Variants in SYCE2 observed in about 807,000 individuals in gnomAD.
SYCE2 encodes the protein central element synaptonemal complex 1.
Under a neutral mutation model 27.9 loss-of-function variants are expected in SYCE2, and 3 were observed. The observed-to-expected ratio is 0.11, with a 90% confidence interval of 0.05 to 0.28. SYCE2 has a LOEUF of 0.28. Ranked by LOEUF, SYCE2 falls within the 10% of genes least tolerant of loss-of-function variation. The pLI, the probability that SYCE2 is intolerant of heterozygous loss-of-function variation, is 1.00. For synonymous variants in SYCE2, 85 were observed against 100.7 expected (o/e 0.84, Z 0.93); for missense variants, 207 against 263.5 (o/e 0.79, Z 1.48).
At chr19:12,916,106 G>A (rs1490830498) in intron 2 of SYCE2, among the ~76,000 whole-genome samples, 1 of 144,782 alleles carries the variant, frequency 6.9e-6, no homozygotes, top group East Asian at 2.0e-4. Flanking sequence ...GTCTCACTCT[G>A]TCACCCAGGA....
intron 2 of SYCE2, among the ~76,000 whole-genome samples, chr19:12,912,382 C>T (rs888137202): frequency 6.7e-6 from 1 of 148,556 alleles, no homozygotes; most frequent in Non-Finnish European, 1.5e-5. Flanking sequence ...TTCTCTACCC[C>T]CCGCTATACC....
At chr19:12,900,918 G>A (rs569137649) in intron 3 of SYCE2, among the ~76,000 whole-genome samples, 3 of 152,178 alleles carry the variant, frequency 2.0e-5, no homozygotes, top group South Asian at 2.1e-4. Context: ...GGTGGCTCAC[G>A]CCTGTAATCC....
At chr19:12,906,737 T>C (rs1970940918) in intron 2 of SYCE2, among the ~76,000 whole-genome samples, 1 of 151,810 alleles carries the variant, frequency 6.6e-6, no homozygotes, top group Non-Finnish European at 1.5e-5. Flanking sequence ...TGAAACCCCA[T>C]CTCTACTAAA....
At chr19:12,916,708 A>C (rs1971144719) in intron 2 of SYCE2, among the ~76,000 whole-genome samples, 1 of 151,894 alleles carries the variant, frequency 6.6e-6, no homozygotes, top group African/African-American at 2.4e-5. Context: ...TGGTCCTCCC[A>C]CCTCAGCCTT....
chr19:12,900,059 C>G lies in SYCE2; in HGVS notation c.557G>C (p.Gly186Ala). 1 of 1,613,616 alleles carries G rather than the reference C, an allele frequency of 6.2e-7. No individual in the cohort carries two copies. The highest frequency in any genetic ancestry group is 1.3e-5 in the African/African-American group (1 of 75,010). Reference protein sequence around the residue: ...HSRGKSPPRPGNSQPPDVFVS... With the variant: ...HSRGKSPPRPANSQPPDVFVS... ...GAACACGTCTGGGGGCTGTGAGTTG[C>G]CGGGACGTGGTGGGGACTTTCCCCT... The change falls in exon 5 of 6, where the codon GGC becomes GCC. Residue 186 changes from glycine to alanine, a missense_variant. Transcript: ENST00000293695.
At chr19:12,910,267 T>C (rs1971018829) in intron 2 of SYCE2, among the ~76,000 whole-genome samples, 2 of 152,312 alleles carry the variant, frequency 1.3e-5, no homozygotes, top group South Asian at 4.1e-4. Context: ...TATTTATTTT[T>C]GTAAAAAATT....
In SYCE2 at chr19:12,900,463, A is replaced by G; in HGVS notation, c.492T>C (p.Pro164=). Residue 164 remains proline, a synonymous_variant, in exon 4 of 6, where the codon CCT becomes CCC. Coordinates refer to ENST00000293695, the MANE Select transcript of SYCE2 (RefSeq NM_001105578.2). The part of the protein sequence containing the change: ...ETVYKDLCLQ[P]EQSLRLRWGP... ...CCCCCTGTGAGTTTACTCATACCTC[A>G]GGCTGGAGACACAGGTCTTTGTACA... is the stretch of plus-strand genomic sequence containing the variant. 6.2e-7 allele frequency: 1 copy of G among 1,613,138 alleles called. No individual in the cohort carries two copies. The highest frequency in any genetic ancestry group is 1.1e-5 in the South Asian group (1 of 90,990).
intron 2 of SYCE2, among the ~76,000 whole-genome samples, chr19:12,908,169 A>G (rs1159069130): frequency 6.6e-6 from 1 of 151,596 alleles, no homozygotes; most frequent in Non-Finnish European, 1.5e-5. Flanking sequence ...ACCACAACAC[A>G]CATATACACC....
intron 2 of SYCE2, chr19:12,906,280 A>C (rs1425939115): frequency 6.6e-6 from 1 of 152,216 alleles, no homozygotes. Flanking sequence ...AGGTGAGGTG[A>C]ATACCTGTTG....
rs1195682553 is a variant in SYCE2, at chr19:12,899,114, GGGGTGGGGAGAACTTGCCAA to G, written c.*207_*226del. 2 of 583,964 alleles carry G rather than the reference GGGGTGGGGAGAACTTGCCAA, an allele frequency of 3.4e-6. No homozygotes were observed. Among genetic ancestry groups the G allele is most frequent in the African/African-American group, 1.9e-5 (1 of 53,514 alleles). 36.2% of individuals were successfully genotyped at this position (583,964 alleles called of 1,614,324 possible). On this transcript the variant is annotated 3_prime_UTR_variant, in exon 6 of 6. Transcript: ENST00000293695. ...AAACATTTAATAAACTGTGGGGCTGGGGGTGGGGAGAACTTGCCAAGGGTGGGGAGCACGAAGCCTGGGCC... is the reference window on the plus strand; with the variant it reads ...AAACATTTAATAAACTGTGGGGCTGGGGGTGGGGAGCACGAAGCCTGGGCC...
intron 2 of SYCE2, among the ~76,000 whole-genome samples, chr19:12,917,537 A>G (rs1285890868): frequency 6.9e-6 from 1 of 144,900 alleles, no homozygotes; most frequent in Non-Finnish European, 1.5e-5. Context: ...TAACTTCTGT[A>G]TTTTTAGTAG....
rs1475074259 is a variant in SYCE2 at position 12,899,375 on chromosome 19, G to T, written c.623C>A (p.Ser208Ter). 6.2e-7 allele frequency: 1 copy of T among 1,614,206 alleles called. No individual in the cohort carries two copies. Among genetic ancestry groups the T allele is most frequent in the South Asian group, 1.1e-5 (1 of 91,080 alleles). ...VAETTSQATA[S>*]EVQTNRDGEC is the part of the protein sequence containing the mutation. ...ACCATCTCTGTTGGTCTGTACTTCTGAAGCAGTGGCCTGGGGATACATGAA... is the reference window on the plus strand; with the variant it reads ...ACCATCTCTGTTGGTCTGTACTTCTTAAGCAGTGGCCTGGGGATACATGAA... The change falls in exon 6 of 6, where the codon TCA (serine) becomes TAA (stop). Residue 208 changes from serine (S) to a stop codon, truncating the protein, a stop_gained. Transcript: ENST00000293695. LOFTEE classifies it high-confidence loss of function.
At chr19:12,914,527 A>T (rs557682903) in intron 2 of SYCE2, among the ~76,000 whole-genome samples, 1 of 85,928 alleles carries the variant, frequency 1.2e-5, no homozygotes, top group Admixed American at 1.4e-4. Context: ...CCCCCCCCAC[A>T]CCCCCCATAA....
intron 2 of SYCE2, among the ~76,000 whole-genome samples, chr19:12,907,562 G>A (rs938603984): frequency 2.0e-5 from 3 of 151,008 alleles, no homozygotes; most frequent in South Asian, 2.1e-4. Flanking sequence ...AGGCCGAGGC[G>A]GGTAGATCAC....
chr19:12,899,678 T>C, intron 5 of SYCE2: 1 of 1,612,300 alleles, frequency 6.2e-7, no homozygotes. Flanking sequence ...GATTTTTAAA[T>C]ATCAAAATTT....
At position 12,904,410 on chromosome 19, in the gene SYCE2, G is replaced by A. The variant is rs1436001093; in HGVS notation, c.306+82C>T. On this transcript the variant is annotated intron_variant, in intron 3 of 5. Coordinates refer to ENST00000293695, the MANE Select transcript of SYCE2 (RefSeq NM_001105578.2). ...TGTGAATGGCCTAGCACCGTGCCTG[G>A]TGTACAACAGACACCATCAGTGGTT... 4 of 1,545,836 alleles carry A rather than the reference G, an allele frequency of 2.6e-6. No homozygotes were observed. The South Asian group carries it at 4.7e-5, about 18-fold the overall frequency.
chr19:12,918,112 TAGG>T, intron 2 of SYCE2, 107 bp downstream of exon 2: 1 of 878,012 alleles, frequency 1.1e-6, no homozygotes, highest in Non-Finnish European at 1.8e-6. Flanking sequence ...GACGCTGTGT[TAGG>T]AGGGAAAAAA....
intron 2 of SYCE2, among the ~76,000 whole-genome samples, chr19:12,914,523 C>A (rs905493749): frequency 1.3e-5 from 2 of 151,992 alleles, no homozygotes; most frequent in African/African-American, 4.8e-5. Context: ...GCCACCCCCC[C>A]CACACCCCCC....
intron 2 of SYCE2, chr19:12,914,087 A>G (rs1971093043): frequency 6.6e-6 from 1 of 152,244 alleles, no homozygotes; most frequent in African/African-American, 2.4e-5. Flanking sequence ...CGGGTCAGAA[A>G]GTTGAACTGT....
Sources: allele counts gnomAD v4.1 joint callset (sites outside exome capture counted in the v4.1 genomes callset), GRCh38; gene constraint gnomAD v4.1.1; transcripts MANE v1.5; gene names NCBI Gene and HGNC (gene_info 2026-07-23, HGNC 2026-07-21).